The following DPYD variants were observed in gnomAD, a reference collection of about 807,000 sequenced individuals.
The protein encoded by DPYD is dihydropyrimidine dehydrogenase [NADP(+)].
In DPYD, 109 loss-of-function variants were observed where a neutral mutation model predicts 116.2. That is an observed-to-expected ratio of 0.94 (90% confidence interval 0.80 to 1.10). The LOEUF is 1.10. DPYD is among the 50% of genes least tolerant of loss of function. The pLI is 0.00. For missense variants in DPYD, 1,302 were observed against 1,254.5 expected, an observed-to-expected ratio of 1.04 and a Z score of -0.57; for synonymous variants, 440 against 432.0, an observed-to-expected ratio of 1.02 and a Z score of -0.23.
intron 18 of DPYD, among the ~76,000 whole-genome samples, chr1:97,265,671 T>A (rs1489647462): frequency 6.6e-6 from 1 of 152,240 alleles, no homozygotes; most frequent in African/African-American, 2.4e-5. Context: ...CTGTTTTTTA[T>A]TATGTAGTGT....
At chr1:97,138,319 G>T (rs1653957965) in intron 20 of DPYD, among the ~76,000 whole-genome samples, 2 of 152,116 alleles carry the variant, frequency 1.3e-5, no homozygotes, top group South Asian at 4.1e-4. Flanking sequence ...GATTTATCCT[G>T]GCATTGGTGA....
chr1:97,449,055 A>G (rs1054635357), intron 14 of DPYD, among the ~76,000 whole-genome samples: 1 of 152,086 alleles, frequency 6.6e-6, no homozygotes, highest in Non-Finnish European at 1.5e-5. Flanking sequence ...TGTCTAAAAC[A>G]GAAAAAAAAC....
At chr1:97,383,386 A>G (rs1291062580) in intron 14 of DPYD, among the ~76,000 whole-genome samples, 5 of 151,408 alleles carry the variant, frequency 3.3e-5, no homozygotes, top group Admixed American at 3.3e-4. Context: ...CAGAGACAGG[A>G]GAATTGCTTG....
rs1410581893 is a variant in DPYD, at chr1:97,828,203, C to T, written c.151-7G>A. On this transcript the variant is annotated splice_polypyrimidine_tract_variant and splice_region_variant and intron_variant, in intron 2 of 22. Transcript: ENST00000370192. The stretch of plus-strand genomic sequence containing the variant: ...TCTCCAGCTTCTCACAATTCTGCAA[C>T]ATATTTAAAAATTGCATTAATTCTC... The T allele has an allele frequency of 6.2e-7, 1 of 1,612,068 alleles. No homozygotes were observed. Among genetic ancestry groups the T allele is most frequent in the East Asian group, 2.2e-5 (1 of 44,842 alleles).
chr1:97,093,147 C>T (rs1396354925), intron 21 of DPYD, among the ~76,000 whole-genome samples: 1 of 152,064 alleles, frequency 6.6e-6, no homozygotes, highest in Non-Finnish European at 1.5e-5. Flanking sequence ...CTATGTAGCT[C>T]ATATCAAAAA....
intron 21 of DPYD, among the ~76,000 whole-genome samples, chr1:97,083,345 C>G (rs1264200320): frequency 6.6e-6 from 1 of 152,058 alleles, no homozygotes; most frequent in Non-Finnish European, 1.5e-5. Flanking sequence ...AGGTTTGACT[C>G]TTAGTTAAAA....
intron 14 of DPYD, among the ~76,000 whole-genome samples, chr1:97,405,630 C>T (rs543237965): frequency 1.8e-3 from 280 of 152,190 alleles, no homozygotes; most frequent in African/African-American, 6.3e-3. Flanking sequence ...ATTCTCCTGC[C>T]TCAGCCTCCC....
intron 3 of DPYD, 49 bp downstream of exon 3, chr1:97,828,065 C>CT: frequency 6.4e-7 from 1 of 1,554,602 alleles, no homozygotes; most frequent in South Asian, 1.1e-5. Context: ...TGAAGAATGA[C>CT]TTTTTCTTTA....
chr1:97,635,209 A>G (rs566720523), intron 8 of DPYD, among the ~76,000 whole-genome samples: 1 of 152,160 alleles, frequency 6.6e-6, no homozygotes, highest in African/African-American at 2.4e-5. Context: ...AGGATAAGGA[A>G]TTATGTAGGG....
chr1:97,724,431 G>C (rs1663120238), intron 4 of DPYD, among the ~76,000 whole-genome samples: 1 of 151,094 alleles, frequency 6.6e-6, no homozygotes, highest in South Asian at 2.1e-4. Flanking sequence ...TCTGCAATTT[G>C]AGTCTGCCAG....
At chr1:97,533,907 C>T (rs2102032582) in intron 12 of DPYD, among the ~76,000 whole-genome samples, 1 of 152,158 alleles carries the variant, frequency 6.6e-6, no homozygotes, top group South Asian at 2.1e-4. Flanking sequence ...AAACTACAAA[C>T]CCCAAGCATG....
Position 97,095,345 on chromosome 1 carries a change from A to G in DPYD, c.2766+3144T>C, listed in dbSNP as rs1650165744. 2.0e-5 allele frequency among the ~76,000 whole-genome samples: 3 copies of G among 152,088 alleles called. No homozygotes were observed. The South Asian group carries it at 6.2e-4, about 31-fold the overall frequency. ...ATTTTTGTCACTGAATTATAATTTG[A>G]GAGATGAAAGGGATCCCTTTAAAAT... On this transcript the variant is annotated intron_variant, in intron 21 of 22. Transcript: ENST00000370192.
At chr1:97,594,246 A>C (rs1048066325) in intron 9 of DPYD, among the ~76,000 whole-genome samples, 8 of 152,166 alleles carry the variant, frequency 5.3e-5, no homozygotes, top group South Asian at 2.1e-4. Context: ...TATTTGGGAC[A>C]CTCTGTAATT....
intron 18 of DPYD, among the ~76,000 whole-genome samples, chr1:97,256,033 T>C (rs974621636): frequency 1.3e-5 from 2 of 152,134 alleles, no homozygotes; most frequent in Admixed American, 6.6e-5. Flanking sequence ...TAGTATTGAC[T>C]GATGACTGAT....
intron 16 of DPYD, among the ~76,000 whole-genome samples, chr1:97,369,778 G>C (rs1444289012): frequency 6.6e-6 from 1 of 152,166 alleles, no homozygotes; most frequent in Non-Finnish European, 1.5e-5. Context: ...CAGTATAAAA[G>C]ACCAAGGGTT....
intron 3 of DPYD, among the ~76,000 whole-genome samples, chr1:97,818,348 A>G (rs566465414): frequency 8.6e-5 from 13 of 152,038 alleles, no homozygotes; most frequent in Admixed American, 3.9e-4. Context: ...ATAATTAATA[A>G]CAATTAATTG....
chr1:97,402,588 C>A (rs966546609), intron 14 of DPYD, among the ~76,000 whole-genome samples: 10 of 151,978 alleles, frequency 6.6e-5, no homozygotes, highest in African/African-American at 2.4e-4. Context: ...TCCTTGATAA[C>A]TTGTATACCC....
intron 13 of DPYD, among the ~76,000 whole-genome samples, chr1:97,478,060 T>C (rs1324780506): frequency 3.9e-5 from 6 of 152,174 alleles, no homozygotes; most frequent in East Asian, 1.9e-4. Flanking sequence ...CCATGATCCA[T>C]TGGGTGCAGA....
At chr1:97,391,031 T>A (rs1244302650) in intron 14 of DPYD, among the ~76,000 whole-genome samples, 2 of 149,350 alleles carry the variant, frequency 1.3e-5, no homozygotes, top group Admixed American at 1.3e-4. Flanking sequence ...GCTTTGGAGA[T>A]ACCACTTACT....
Sources: gnomAD v4.1 joint callset for allele counts (sites outside exome capture counted in the v4.1 genomes callset) on GRCh38, gnomAD v4.1.1 for gene constraint, MANE v1.5 for transcripts, NCBI Gene and HGNC (gene_info 2026-07-23, HGNC 2026-07-21) for gene names.